Variants in CDH23 observed in about 807,000 individuals in gnomAD.
CDH23 encodes cadherin related 23.
Under a neutral mutation model 317.1 loss-of-function variants are expected in CDH23, and 189 were observed. That is an observed-to-expected ratio of 0.60 (90% CI 0.53 to 0.67). The LOEUF (loss-of-function observed/expected upper bound fraction) is 0.67. CDH23 is among the 30% of genes least tolerant of loss of function. The probability of loss-of-function intolerance (pLI) is 0.00; values close to 1 mark genes in which losing one functional copy is unlikely to be tolerated. For synonymous variants in CDH23, 1,839 were observed against 1,876.8 expected (o/e 0.98, Z 0.52); for missense variants, 4,401 against 4,592.4 (o/e 0.96, Z 1.20).
At chr10:71,527,843 TGCATGTCACTTCCA>T (rs1389145107) in intron 6 of CDH23, among the ~76,000 whole-genome samples, 1 of 152,172 alleles carries the variant, frequency 6.6e-6, no homozygotes, top group East Asian at 1.9e-4. Context: ...AGGGGACCCT[TGCATGTCACTTCCA>T]GCATAGAAGA....
intron 16 of CDH23, 138 bp downstream of exon 16, chr10:71,677,831 T>A: frequency 1.4e-6 from 1 of 714,040 alleles, no homozygotes; most frequent in Non-Finnish European, 2.4e-6. Context: ...AGTGGTACAA[T>A]CAGAGTTCAT....
intron 9 of CDH23, among the ~76,000 whole-genome samples, chr10:71,584,671 G>A (rs1315309308): frequency 6.6e-6 from 1 of 152,116 alleles, no homozygotes; most frequent in Non-Finnish European, 1.5e-5. Flanking sequence ...ATGGCCTAGT[G>A]GGGGACAGCT....
intron 6 of CDH23, among the ~76,000 whole-genome samples, chr10:71,523,950 G>A (rs969396071): frequency 7.2e-5 from 11 of 152,096 alleles, no homozygotes; most frequent in African/African-American, 2.7e-4. Context: ...TAGGCCACAG[G>A]GCCTTTGCAC....
In CDH23 at chr10:71,709,123, C is replaced by T. The variant is rs1473612729; in HGVS notation, c.3132C>T (p.Ser1044=). 5.0e-6 allele frequency: 8 copies of T among 1,613,794 alleles called. No individual in the cohort carries two copies. The highest frequency in any genetic ancestry group is 2.7e-5 in the African/African-American group (2 of 74,940). The change falls in exon 27 of 70, where the codon AGC becomes AGT. Residue 1044 remains serine (S), a synonymous_variant. Coordinates refer to ENST00000224721, the MANE Select transcript of CDH23 (RefSeq NM_022124.6). ...ITGGNVDGKF[S]VGYRDAVVRT... The stretch of plus-strand genomic sequence containing the variant: ...GTGGCAACGTGGATGGGAAGTTCAG[C>T]GTGGGTTACCGCGATGCCGTTGTGA...
chr10:71,741,031 A>G (rs1839720273), intron 37 of CDH23, 81 bp downstream of exon 37: 3 of 1,535,172 alleles, frequency 2.0e-6, no homozygotes. Context: ...CCCTGTTTAA[A>G]TGTCTGCCTG....
intron 3 of CDH23, among the ~76,000 whole-genome samples, chr10:71,509,349 G>A (rs1853822297): frequency 1.3e-5 from 2 of 152,224 alleles, no homozygotes; most frequent in Non-Finnish European, 2.9e-5. Context: ...CAAAGAAAAG[G>A]TTGCAAGGGG....
intron 22 of CDH23, among the ~76,000 whole-genome samples, chr10:71,700,714 C>G (rs1865549151): frequency 1.3e-5 from 2 of 152,186 alleles, no homozygotes; most frequent in African/African-American, 4.8e-5. Flanking sequence ...GGGGGCTGCC[C>G]CCACCTCTCT....
At chr10:71,760,747 G>A (rs1246876067) in intron 38 of CDH23, 2 of 867,882 alleles carry the variant, frequency 2.3e-6, no homozygotes, top group Non-Finnish European at 1.9e-6. Flanking sequence ...AGAAAAGGAG[G>A]AGGACCGGGG....
rs759876454 is a variant in CDH23 at position 71,778,237 on chromosome 10, C to T, written c.5116C>T (p.Arg1706Cys). ...KELDYEISHG[R>C]YTLIVTATDQ... Reference sequence around the variant, plus strand: ...GCTGGACTACGAGATCAGCCACGGCCGCTACACCCTGATCGTCACTGCCAC... The same window carrying T: ...GCTGGACTACGAGATCAGCCACGGCTGCTACACCCTGATCGTCACTGCCAC... Residue 1706 changes from arginine to cysteine, a missense_variant, in exon 40 of 70, where the codon CGC becomes TGC. By Grantham distance (180) the Arg-to-Cys change is radical. Around this residue, in one of 3 missense-constraint regions of CDH23, gnomAD observed 3,068 missense variants for 3,203.3 expected, o/e 0.96. Transcript: ENST00000224721. 4.3e-5 allele frequency: 69 copies of T among 1,613,742 alleles called. 1 individual carries two copies. Among genetic ancestry groups the T allele is most frequent in the South Asian group, 4.1e-4 (37 of 91,080 alleles).
chr10:71,763,450 T>G (rs1449043367), intron 38 of CDH23, among the ~76,000 whole-genome samples: 2 of 152,228 alleles, frequency 1.3e-5, no homozygotes, highest in Non-Finnish European at 2.9e-5. Flanking sequence ...ACCAATATAA[T>G]GCCACATCCT....
chr10:71,787,495 G>A (rs1488621448), intron 44 of CDH23, among the ~76,000 whole-genome samples: 1 of 151,888 alleles, frequency 6.6e-6, no homozygotes, highest in Non-Finnish European at 1.5e-5. Flanking sequence ...ACTGAACAGT[G>A]AACATTGTAC....
chr10:71,537,570 A>T (rs1240591380), intron 6 of CDH23, among the ~76,000 whole-genome samples: 1 of 152,160 alleles, frequency 6.6e-6, no homozygotes, highest in Non-Finnish European at 1.5e-5. Context: ...GAATATAAAG[A>T]GCCTTTCTCA....
intron 6 of CDH23, among the ~76,000 whole-genome samples, chr10:71,515,527 A>G (rs969084667): frequency 5.4e-5 from 8 of 147,162 alleles, no homozygotes; most frequent in African/African-American, 9.9e-5. Context: ...GATCTGCCCA[A>G]TTTTTTTTTT....
intron 6 of CDH23, among the ~76,000 whole-genome samples, chr10:71,564,711 T>G (rs1176801075): frequency 6.6e-6 from 1 of 152,230 alleles, no homozygotes; most frequent in Non-Finnish European, 1.5e-5. Context: ...CAGAGTGGTT[T>G]AAGTAGACTG....
At position 71,471,500 on chromosome 10, in the gene CDH23, G is replaced by A. The variant is rs111928351; in HGVS notation, c.145+25105G>A. Among the ~76,000 whole-genome samples the A allele has an allele frequency of 5.8e-3, 878 of 151,476 alleles. 8 individuals carry two copies. The highest frequency in any genetic ancestry group is 9.3e-3 in the Non-Finnish European group (634 of 67,934). On this transcript the variant is annotated intron_variant, in intron 3 of 69. Transcript: ENST00000224721. ...CCCCTTTATGTGCTCTCTGTGGTGC[G>A]ATTTCCCTCATATTTGCTTTATGAC...
chr10:71,419,239 T>C (rs1204872123), intron 1 of CDH23, among the ~76,000 whole-genome samples: 1 of 152,200 alleles, frequency 6.6e-6, no homozygotes, highest in Non-Finnish European at 1.5e-5. Context: ...TAGGTGGGCC[T>C]GTCCCAGAGC....
Position 71,812,776 on chromosome 10 carries a change from T to C in CDH23, c.9519T>C (p.Phe3173=). The C allele has an allele frequency of 1.2e-6, 2 of 1,613,188 alleles. No individual in the cohort carries two copies. Among genetic ancestry groups the C allele is most frequent in the South Asian group, 2.2e-5 (2 of 90,916 alleles). Residue 3173 remains phenylalanine, a synonymous_variant, in exon 68 of 70, where the codon TTT becomes TTC. Transcript: ENST00000224721. ...WNSPTRTHGT[F]GREPAAVKPD... ...ACATCCCCTCTCCCCAGGGAACTTT[T>C]GGGCGTGAGCCAGCAGCTGTCAAGC...
intron 2 of CDH23, among the ~76,000 whole-genome samples, 185 bp from the exon 3 acceptor site, chr10:71,446,133 C>T (rs1402754006): frequency 4.6e-5 from 7 of 152,200 alleles, no homozygotes; most frequent in African/African-American, 1.7e-4. Context: ...AGCTGCCTGC[C>T]GACCTACTGG....
chr10:71,626,913 C>G (rs1253563729), intron 11 of CDH23, among the ~76,000 whole-genome samples: 1 of 152,160 alleles, frequency 6.6e-6, no homozygotes, highest in Non-Finnish European at 1.5e-5. Flanking sequence ...TTAGAGGGCC[C>G]TTGTCCAGGG....
Sources: gnomAD v4.1 joint callset for allele counts (sites outside exome capture counted in the v4.1 genomes callset) on GRCh38, gnomAD v4.1.1 for gene constraint, gnomAD v4.1.1 regional missense constraint, MANE v1.5 for transcripts, NCBI Gene and HGNC (gene_info 2026-07-23, HGNC 2026-07-21) for gene names.